The following EXOC3 variants were observed in gnomAD, a reference collection of about 807,000 sequenced individuals.
The protein encoded by EXOC3 is exocyst complex component 3.
In EXOC3, 21 loss-of-function variants were observed where a neutral mutation model predicts 73.7. The ratio of observed to expected loss-of-function variants is 0.29; its 90% CI spans 0.20 to 0.41. The LOEUF is 0.41. Ranked by LOEUF, EXOC3 falls within the 10% of genes least tolerant of loss-of-function variation. The pLI is 1.00. For missense variants in EXOC3, 842 were observed against 985.1 expected (o/e 0.85, Z 1.95); for synonymous variants, 410 against 389.1 (o/e 1.05, Z -0.63).
rs570799796 is a variant in EXOC3, at chr5:443,740, C to G, written c.-57+450C>G. The stretch of plus-strand genomic sequence containing the variant: ...AGGAGTTCTCCAAGGTGCAAGTGTC[C>G]CCTCAAGCACAGGTGTCCCTCCCAG... On this transcript the variant is annotated intron_variant, in intron 1 of 12. Transcript: ENST00000512944. Among the ~76,000 whole-genome samples, 22 of 145,924 alleles carry G rather than the reference C, an allele frequency of 1.5e-4. 1 individual carries two copies. In the South Asian group the frequency reaches 4.9e-3, roughly 32 times the overall value.
rs62001018 is a variant in EXOC3 at position 453,761 on chromosome 5, G to A, written c.756G>A (p.Leu252=). ...KNWKEKMFTI[L]ERTVTTRIEG... ...GGAAGGAGAAAATGTTCACCATCTTGGAGAGGACTGTGACCACCAGAATTG... is the reference window on the plus strand; with the variant it reads ...GGAAGGAGAAAATGTTCACCATCTTAGAGAGGACTGTGACCACCAGAATTG... Residue 252 remains leucine, a synonymous_variant, in exon 4 of 13, where the codon TTG becomes TTA. Coordinates refer to ENST00000512944, the MANE Select transcript of EXOC3 (RefSeq NM_007277.5). The A allele has an allele frequency of 2.9e-4, 476 of 1,613,834 alleles. 2 individuals carry two copies. Among genetic ancestry groups the A allele is most frequent in the Non-Finnish European group, 2.3e-4 (267 of 1,179,894 alleles).
At chr5:463,106 AAAC>A (rs1042921937) in intron 9 of EXOC3, among the ~76,000 whole-genome samples, 13 of 152,270 alleles carry the variant, frequency 8.5e-5, no homozygotes, top group South Asian at 6.2e-4. Context: ...CTCCATTTCA[AAAC>A]AACAACAACA....
chr5:464,243 G>C (rs745601602), intron 9 of EXOC3, 47 bp from the exon 10 acceptor site: 73 of 1,594,116 alleles, frequency 4.6e-5, no homozygotes, highest in Non-Finnish European at 6.0e-6. Flanking sequence ...CTCGGCTCTC[G>C]TGGGACGTTG....
chr5:459,771 T>A (rs1187828310), intron 7 of EXOC3, among the ~76,000 whole-genome samples: 1 of 151,298 alleles, frequency 6.6e-6, no homozygotes, highest in Non-Finnish European at 1.5e-5. Flanking sequence ...TTCCTTGGGG[T>A]GGGGGTGGCG....
chr5:461,052 A>C (rs1198175956), intron 7 of EXOC3, among the ~76,000 whole-genome samples: 1 of 152,222 alleles, frequency 6.6e-6, no homozygotes, highest in African/African-American at 2.4e-5. Context: ...TGACATTTCA[A>C]GTGTCTGTTT....
chr5:455,000 G>A (rs924131861), intron 4 of EXOC3, among the ~76,000 whole-genome samples: 2 of 113,514 alleles, frequency 1.8e-5, no homozygotes, highest in African/African-American at 7.4e-5. Context: ...TGCAGAGAAT[G>A]GTCACCGTGA....
At position 447,668 on chromosome 5, in the gene EXOC3, G is replaced by A; in HGVS notation, c.280G>A (p.Glu94Lys). 1 of 1,590,274 alleles carries A rather than the reference G, an allele frequency of 6.3e-7. No homozygotes were observed. The highest frequency in any genetic ancestry group is 1.8e-5 in the Admixed American group (1 of 56,578). The change falls in exon 3 of 13, where the codon GAG becomes AAG. Residue 94 changes from glutamate (E) to lysine (K), a missense_variant. Transcript: ENST00000512944. ...KDWRQSINTI[E>K]SLKDVKDAVV... is the part of the protein sequence containing the mutation. ...CTGGAGGCAGAGCATCAACACCATT[G>A]AGAGCCTCAAGGACGTCAAAGACGC...
chr5:445,601 G>A (rs868794433), intron 1 of EXOC3, among the ~76,000 whole-genome samples: 18 of 152,264 alleles, frequency 1.2e-4, no homozygotes, highest in Middle Eastern at 3.4e-3. Flanking sequence ...TGATCCACCC[G>A]CCTCGGCCTG....
chr5:465,401 C>T, intron 11 of EXOC3, 129 bp downstream of exon 11: 1 of 1,075,978 alleles, frequency 9.3e-7, no homozygotes, highest in East Asian at 2.6e-5. Context: ...AGCCTGGGTC[C>T]AGGTCCTGCC....
intron 3 of EXOC3, among the ~76,000 whole-genome samples, chr5:448,607 G>T (rs1309903579): frequency 6.6e-6 from 1 of 152,058 alleles, no homozygotes; most frequent in African/African-American, 2.4e-5. Flanking sequence ...CAGCCGTCAC[G>T]TGCCCCAGCT....
rs1738071978 is a variant in EXOC3 at position 464,296 on chromosome 5, C to G, written c.1660C>G (p.Leu554Val). ...ATCTGTTTCTGCTTTTCAGCAACAT[C>G]TGAATGAATTGATGACGAAGAAGTG... ...EEVFLDLEQH[L>V]NELMTKKWLL... The change falls in exon 10 of 13, where the codon CTG becomes GTG. Residue 554 changes from leucine (L) to valine (V), a missense_variant. Leu to Val is a conservative substitution (Grantham distance 32, BLOSUM62 1). Coordinates refer to ENST00000512944, the MANE Select transcript of EXOC3 (RefSeq NM_007277.5). The G allele has an allele frequency of 1.9e-6, 3 of 1,613,366 alleles. No individual in the cohort carries two copies. The South Asian group carries it at 3.3e-5, about 18-fold the overall frequency.
At position 453,503 on chromosome 5, in the gene EXOC3, C is replaced by T. The variant is rs1403564317; in HGVS notation, c.498C>T (p.Asn166=). 4 of 1,613,878 alleles carry T rather than the reference C, an allele frequency of 2.5e-6. No homozygotes were observed. The highest frequency in any genetic ancestry group is 3.4e-6 in the Non-Finnish European group (4 of 1,179,904). Residue 166 remains asparagine (N), a synonymous_variant, in exon 4 of 13, where the codon AAC becomes AAT. Transcript: ENST00000512944. ...AGCAGTACCGCATGGACAGTGGGAA[C>T]ACGCGTGACATGACCCTCATCCATG... The part of the protein sequence containing the change: ...MYEQYRMDSG[N]TRDMTLIHGY...
At position 462,068 on chromosome 5, in the gene EXOC3, C is replaced by A; in HGVS notation, c.1500C>A (p.Phe500Leu). Residue 500 changes from phenylalanine to leucine, a missense_variant and splice_region_variant, in exon 8 of 13, where the codon TTC becomes TTA. By Grantham distance (22) the Phe-to-Leu change is conservative (BLOSUM62 0). Coordinates refer to ENST00000512944, the MANE Select transcript of EXOC3 (RefSeq NM_007277.5). ...CCATCATCAACAACTGCCAGACCTTCAAGTGAGTGTGGCCGGGCGCTGTGG... is the reference window on the plus strand; with the variant it reads ...CCATCATCAACAACTGCCAGACCTTAAAGTGAGTGTGGCCGGGCGCTGTGG... ...MIAIINNCQT[F>L]KESIVSLKRK... is the part of the protein sequence containing the mutation. 6.2e-7 allele frequency: 1 copy of A among 1,610,824 alleles called. No individual in the cohort carries two copies. Among genetic ancestry groups the A allele is most frequent in the Non-Finnish European group, 8.5e-7 (1 of 1,178,396 alleles).
At chr5:456,819 C>A in intron 4 of EXOC3, 70 bp from the exon 5 acceptor site, 2 of 1,186,394 alleles carry the variant, frequency 1.7e-6, no homozygotes, top group Non-Finnish European at 2.5e-6. Context: ...GTGAAACAGT[C>A]TCGGCACACT....
chr5:447,785 C>G, intron 3 of EXOC3, 33 bp downstream of exon 3: 1 of 1,446,046 alleles, frequency 6.9e-7, no homozygotes, highest in Non-Finnish European at 9.4e-7. Context: ...CTTGCCCCCA[C>G]TCACGCTGTC....
chr5:444,440 C>T (rs1737442770), intron 1 of EXOC3, among the ~76,000 whole-genome samples: 1 of 152,190 alleles, frequency 6.6e-6, no homozygotes, highest in East Asian at 1.9e-4. Flanking sequence ...TTAAGATGGG[C>T]GCAGCCACCT....
At chr5:444,161 G>A (rs1737435029) in intron 1 of EXOC3, among the ~76,000 whole-genome samples, 1 of 152,264 alleles carries the variant, frequency 6.6e-6, no homozygotes, top group East Asian at 1.9e-4. Flanking sequence ...AGCGGAGCCA[G>A]CGCCAGGGGA....
At chr5:449,958 C>T (rs981010178) in intron 3 of EXOC3, among the ~76,000 whole-genome samples, 4 of 152,152 alleles carry the variant, frequency 2.6e-5, no homozygotes, top group African/African-American at 9.7e-5. Context: ...TAAAAATATC[C>T]CTTATGGCTG....
intron 3 of EXOC3, 26 bp downstream of exon 3, chr5:447,778 G>GC: frequency 1.3e-6 from 2 of 1,483,364 alleles, no homozygotes; most frequent in Non-Finnish European, 1.8e-6. Flanking sequence ...CGAGGCACTT[G>GC]CCCCCACTCA....
Sources: allele counts gnomAD v4.1 joint callset (sites outside exome capture counted in the v4.1 genomes callset), GRCh38; gene constraint gnomAD v4.1.1; transcripts MANE v1.5; gene names NCBI Gene and HGNC (gene_info 2026-07-23, HGNC 2026-07-21).